DOCK10: variants seen among roughly 807,000 people sequenced by gnomAD.
DOCK10 encodes dedicator of cytokinesis 10, also known as dedicator of cytokinesis protein 10.
DOCK10 carries 145 observed loss-of-function variants against 280.1 expected under a neutral mutation model. That is an observed-to-expected ratio of 0.52 (90% CI 0.45 to 0.59). The LOEUF (loss-of-function observed/expected upper bound fraction) is 0.59. DOCK10 is among the 20% of genes least tolerant of loss of function. The pLI is 0.00. For missense variants in DOCK10, 2,368 were observed against 2,651.7 expected (o/e 0.89, Z 2.35); for synonymous variants, 915 against 942.2 (o/e 0.97, Z 0.53).
intron 11 of DOCK10, among the ~76,000 whole-genome samples, chr2:224,866,997 C>T (rs145356667): frequency 2.7e-4 from 41 of 152,062 alleles, no homozygotes; most frequent in Non-Finnish European, 2.4e-4. Flanking sequence ...TTACAAACCA[C>T]GATCTGGGTG....
chr2:224,803,186 C>A (rs996540131), intron 39 of DOCK10, among the ~76,000 whole-genome samples: 7 of 152,114 alleles, frequency 4.6e-5, no homozygotes, highest in Admixed American at 1.3e-4. Flanking sequence ...CACCACACAT[C>A]TACAAAACTT....
In DOCK10 at chr2:224,812,629, T is replaced by A. The variant is rs1177766745; in HGVS notation, c.3409+1691A>T. Among the ~76,000 whole-genome samples the A allele has an allele frequency of 3.3e-5, 5 of 152,234 alleles. No individual in the cohort carries two copies. In the East Asian group the frequency reaches 9.6e-4, roughly 29 times the overall value. On this transcript the variant is annotated intron_variant, in intron 31 of 55. Coordinates refer to ENST00000258390, the MANE Select transcript of DOCK10 (RefSeq NM_014689.3). ...TATGATATTGGCTGTGGGTTTGTCA[T>A]AGTTAGCTCTTATTATTTTGAGATA...
chr2:224,963,940 A>G (rs1704585658), intron 1 of DOCK10, among the ~76,000 whole-genome samples: 1 of 151,046 alleles, frequency 6.6e-6, no homozygotes, highest in African/African-American at 2.4e-5. Context: ...CCAACTGACT[A>G]TTGGAACAAG....
chr2:224,874,189 T>TA (rs1559624129), intron 10 of DOCK10, 38 bp from the exon 11 acceptor site: 1 of 1,573,220 alleles, frequency 6.4e-7, no homozygotes, highest in Non-Finnish European at 8.6e-7. Context: ...ACATCCAACA[T>TA]AAAAAAGAAA....
intron 11 of DOCK10, among the ~76,000 whole-genome samples, chr2:224,865,581 G>T (rs566912509): frequency 6.6e-6 from 1 of 152,102 alleles, no homozygotes; most frequent in African/African-American, 2.4e-5. Flanking sequence ...CATTAGTGTC[G>T]CAGATACATA....
rs1197551953 is a variant in DOCK10, at chr2:224,775,121, T to A, written c.5803-6A>T. 6.2e-7 allele frequency: 1 copy of A among 1,613,676 alleles called. No homozygotes were observed. Among genetic ancestry groups the A allele is most frequent in the Non-Finnish European group, 8.5e-7 (1 of 1,179,716 alleles). ...TCCAAATCCTTGGGGTTTACCTGTG[T>A]TAACAGATTATGGGCAAAGTGAGTG... On this transcript the variant is annotated splice_polypyrimidine_tract_variant and splice_region_variant and intron_variant, in intron 51 of 55. Transcript: ENST00000258390.
intron 2 of DOCK10, among the ~76,000 whole-genome samples, chr2:224,924,292 G>A (rs1440284873): frequency 4.6e-5 from 7 of 152,116 alleles, no homozygotes; most frequent in Non-Finnish European, 7.3e-5. Context: ...CCATTACCAC[G>A]ATTTAATTAC....
intron 14 of DOCK10, among the ~76,000 whole-genome samples, chr2:224,859,219 A>G (rs1697346331): frequency 6.6e-6 from 1 of 152,228 alleles, no homozygotes; most frequent in African/African-American, 2.4e-5. Flanking sequence ...CCATAATTGT[A>G]GAGATACGAG....
At chr2:224,969,205 T>C (rs1231797337) in intron 1 of DOCK10, among the ~76,000 whole-genome samples, 1 of 152,222 alleles carries the variant, frequency 6.6e-6, no homozygotes, top group Non-Finnish European at 1.5e-5. Flanking sequence ...CTCTGGTTAC[T>C]TTTTAACTCA....
intron 1 of DOCK10, among the ~76,000 whole-genome samples, chr2:225,030,207 T>G (rs938829596): frequency 7.3e-5 from 11 of 150,432 alleles, no homozygotes; most frequent in Admixed American, 6.0e-4. Context: ...AGGAAACCAT[T>G]ACATGAATGC....
chr2:224,768,979 C>T (rs779961441), intron 55 of DOCK10: 55 of 454,330 alleles, frequency 1.2e-4, no homozygotes, highest in South Asian at 7.2e-4. Context: ...GCATTTTTGT[C>T]CAAAGTTTCT....
intron 27 of DOCK10, among the ~76,000 whole-genome samples, chr2:224,828,232 C>T (rs1398614722): frequency 6.6e-6 from 1 of 152,160 alleles, no homozygotes; most frequent in Non-Finnish European, 1.5e-5. Context: ...GGAGGTAGGG[C>T]AGAACCTCTG....
intron 26 of DOCK10, among the ~76,000 whole-genome samples, chr2:224,831,502 G>A (rs1321797162): frequency 6.6e-6 from 1 of 151,818 alleles, no homozygotes; most frequent in African/African-American, 2.4e-5. Flanking sequence ...CCCCTTGAGG[G>A]GCCTGGTGCG....
Position 224,864,687 on chromosome 2 carries a change from G to A in DOCK10, c.1480-12C>T, listed in dbSNP as rs765663722. 2.5e-6 allele frequency: 4 copies of A among 1,601,454 alleles called. No individual in the cohort carries two copies. The South Asian group carries it at 4.5e-5, about 18-fold the overall frequency. ...ACAGAAAATACAGCCTGTGTACAAA[G>A]AAAGCAGCTAATAAGCATGGAAGAA... is the stretch of plus-strand genomic sequence containing the variant. On this transcript the variant is annotated splice_polypyrimidine_tract_variant and intron_variant, in intron 12 of 55. Transcript: ENST00000258390.
chr2:224,806,152 G>A lies in DOCK10; in HGVS notation c.3788C>T (p.Ser1263Phe). ...KHANSVDTSF[S>F]KDVLNSIAAF... ...TGCTATGGAATTTAAAACATCTTTA[G>A]AAAATGATGTATCCACAGAGTTTGC... The change falls in exon 34 of 56, where the codon TCT becomes TTT. Residue 1263 changes from serine (S) to phenylalanine (F), a missense_variant. Ser to Phe is a radical substitution (Grantham distance 155). This residue lies in a region of DOCK10 where 1,159 missense variants were observed against 1,400.8 expected (regional missense o/e 0.83). Coordinates refer to ENST00000258390, the MANE Select transcript of DOCK10 (RefSeq NM_014689.3). 1 of 1,606,186 alleles carries A rather than the reference G, an allele frequency of 6.2e-7. No homozygotes were observed.
chr2:224,880,427 T>A (rs1698913965), intron 7 of DOCK10, among the ~76,000 whole-genome samples: 1 of 152,084 alleles, frequency 6.6e-6, no homozygotes, highest in South Asian at 2.1e-4. Flanking sequence ...AAATTGAAAA[T>A]CAATGGGATA....
At chr2:225,029,785 T>A (rs1021661474) in intron 1 of DOCK10, among the ~76,000 whole-genome samples, 14 of 152,002 alleles carry the variant, frequency 9.2e-5, no homozygotes, top group African/African-American at 3.4e-4. Context: ...TGATTACTAG[T>A]TTTTTCTTCA....
chr2:224,895,598 C>T (rs1699931152), intron 4 of DOCK10, among the ~76,000 whole-genome samples: 1 of 152,136 alleles, frequency 6.6e-6, no homozygotes, highest in African/African-American at 2.4e-5. Context: ...TCTTACAGGC[C>T]TGCAGGGGAT....
At chr2:224,831,805 C>A (rs1015928143) in intron 26 of DOCK10, among the ~76,000 whole-genome samples, 2 of 152,220 alleles carry the variant, frequency 1.3e-5, no homozygotes, top group African/African-American at 4.8e-5. Flanking sequence ...GCATCAAGAC[C>A]TGTCCTCTGG....
Sources: gnomAD v4.1 joint callset for allele counts (sites outside exome capture counted in the v4.1 genomes callset) on GRCh38, gnomAD v4.1.1 for gene constraint, gnomAD v4.1.1 regional missense constraint, MANE v1.5 for transcripts, NCBI Gene and HGNC (gene_info 2026-07-23, HGNC 2026-07-21) for gene names.